Variants in SEC16B observed in about 807,000 individuals in gnomAD.
SEC16B encodes protein transport protein Sec16B.
SEC16B carries 115 observed loss-of-function variants against 141.8 expected under a neutral mutation model. The ratio of observed to expected loss-of-function variants is 0.81; its 90% CI spans 0.70 to 0.95. The LOEUF (loss-of-function observed/expected upper bound fraction) is 0.95, where lower values mean the gene tolerates loss of function less well. Among genes scored for constraint, SEC16B ranks in the 40% least tolerant of loss-of-function variants. The pLI, the probability that SEC16B is intolerant of heterozygous loss-of-function variation, is 0.00. For synonymous variants in SEC16B, 493 were observed against 492.5 expected (o/e 1.00, Z -0.01); for missense variants, 1,291 against 1,312.3 (o/e 0.98, Z 0.25).
intron 18 of SEC16B, among the ~76,000 whole-genome samples, chr1:177,937,912 T>A (rs1017065809): frequency 1.3e-5 from 2 of 152,136 alleles, no homozygotes; most frequent in Non-Finnish European, 2.9e-5. Flanking sequence ...CCAGCATTAA[T>A]GTTAAAACAG....
chr1:177,945,436 A>C (rs538324148), intron 14 of SEC16B: 10 of 152,368 alleles, frequency 6.6e-5, no homozygotes, highest in African/African-American at 2.4e-4. Flanking sequence ...CTTATTGTAC[A>C]TTTGGCACAG....
chr1:177,948,420 C>A (rs1292176672), intron 12 of SEC16B: 3 of 1,304,358 alleles, frequency 2.3e-6, no homozygotes, highest in Admixed American at 2.3e-5. Context: ...CTCTACAAAG[C>A]CCATTCACAC....
At position 177,932,546 on chromosome 1, in the gene SEC16B, C is replaced by G. The variant is rs372353418; in HGVS notation, c.2956G>C (p.Ala986Pro). ...CCCGCAGCTGCTCCCCCGCTGGATG[C>G]GGATCCTCGGCCTTCACCCCCACCT... ...GRGGGEGRGS[A>P]SSGGAAAGAG... Residue 986 changes from alanine (A) to proline (P), a missense_variant, in exon 24 of 26, where the codon GCA becomes CCA. Physicochemically the swap from Ala to Pro is conservative, Grantham distance 27 (BLOSUM62 -1). Transcript: ENST00000308284. 9 of 1,561,448 alleles carry G rather than the reference C, an allele frequency of 5.8e-6. No homozygotes were observed. The highest frequency in any genetic ancestry group is 1.7e-4 in the Middle Eastern group (1 of 5,978).
chr1:177,960,020 C>A (rs377368775), intron 8 of SEC16B: 19 of 339,286 alleles, frequency 5.6e-5, no homozygotes, highest in African/African-American at 4.0e-4. Context: ...ACTTCCCAGG[C>A]GATGCTCCAC....
intron 1 of SEC16B, among the ~76,000 whole-genome samples, chr1:177,981,502 A>G (rs1247182565): frequency 6.6e-6 from 1 of 152,214 alleles, no homozygotes; most frequent in African/African-American, 2.4e-5. Context: ...TCTGTCCACC[A>G]TTTATTCATT....
chr1:177,981,446 G>T (rs1654411068), intron 1 of SEC16B, among the ~76,000 whole-genome samples: 1 of 152,096 alleles, frequency 6.6e-6, no homozygotes, highest in Non-Finnish European at 1.5e-5. Flanking sequence ...TTTCTCACTG[G>T]GTTGACTGAC....
chr1:177,934,917 G>T (rs766613595), intron 20 of SEC16B, among the ~76,000 whole-genome samples: 1 of 152,050 alleles, frequency 6.6e-6, no homozygotes, highest in Non-Finnish European at 1.5e-5. Flanking sequence ...TACCATGGTC[G>T]TGGAGGCCCC....
At chr1:177,970,086 A>C (rs140214833), upstream of SEC16B, 871 of 152,498 alleles carry the variant, frequency 5.7e-3, 7 homozygotes, top group African/African-American at 0.02. Flanking sequence ...TACAGCCCAG[A>C]TACCGCAGCC....
At chr1:177,932,084 T>C (rs1650458770) in intron 24 of SEC16B, among the ~76,000 whole-genome samples, 1 of 152,186 alleles carries the variant, frequency 6.6e-6, no homozygotes, top group Non-Finnish European at 1.5e-5. Flanking sequence ...ATGGGGTCTT[T>C]AAAGAGGCAA....
At chr1:177,961,242 C>G in intron 6 of SEC16B, 1 of 437,296 alleles carries the variant, frequency 2.3e-6, no homozygotes, top group Non-Finnish European at 4.1e-6. Flanking sequence ...CCTCTATACT[C>G]ATGACAAAGT....
At chr1:177,975,302 T>A (rs4652285) in intron 1 of SEC16B, among the ~76,000 whole-genome samples, 20,834 of 152,226 alleles carry the variant, frequency 0.14, 1,784 homozygotes, top group East Asian at 0.42. Context: ...AAGAGCTCGA[T>A]AAAATTTTAT....
At chr1:177,970,141 G>C (rs1453335400), upstream of SEC16B, 2 of 152,278 alleles carry the variant, frequency 1.3e-5, no homozygotes, top group Non-Finnish European at 2.9e-5. Context: ...CCCTGTCAGA[G>C]ACTGGCGCTT....
intron 10 of SEC16B, 48 bp downstream of exon 10, chr1:177,958,084 G>A: frequency 7.7e-7 from 1 of 1,293,198 alleles, no homozygotes; most frequent in Non-Finnish European, 1.0e-6. Context: ...GGTGGAGAGG[G>A]ATGGTGATTG....
At position 177,975,978 on chromosome 1, in the gene SEC16B, TG is replaced by T. The variant is rs937595565; in HGVS notation, c.-58-7940del. Among the ~76,000 whole-genome samples, 3 of 152,180 alleles carry T rather than the reference TG, an allele frequency of 2.0e-5. No individual in the cohort carries two copies. In the East Asian group the frequency reaches 5.8e-4, roughly 29 times the overall value. ...GTGTGCCAAGAAAAGATGGTGCCTG[TG>T]CCAGAGACAATTAGCCTGGCACAGG... On this transcript the variant is annotated intron_variant and NMD_transcript_variant, in intron 1 of 24. Transcript: ENST00000528461.
intron 17 of SEC16B, 97 bp downstream of exon 17, chr1:177,940,513 A>G: frequency 1.2e-6 from 1 of 801,060 alleles, no homozygotes; most frequent in Non-Finnish European, 2.1e-6. Context: ...GGGACCAGGG[A>G]CTTGCTAATG....
At position 177,965,101 on chromosome 1, in the gene SEC16B, T is replaced by C. The variant is rs368754254; in HGVS notation, c.479A>G (p.His160Arg). The change falls in exon 4 of 26, where the codon CAT becomes CGT. Residue 160 changes from histidine to arginine, a missense_variant. By Grantham distance (29) the His-to-Arg change is conservative. Transcript: ENST00000308284. ...TGGACTGTGCTGGTTTTCATAATGA[T>C]GTTCATCAAGGTACTTTTGCTCTCG... ...DYREQKYLDE[H>R]HYENQHSPFG... 59 of 1,613,542 alleles carry C rather than the reference T, an allele frequency of 3.7e-5. No individual in the cohort carries two copies. The highest frequency in any genetic ancestry group is 4.9e-5 in the Non-Finnish European group (58 of 1,179,800).
At chr1:177,931,985 G>GA (rs879927965) in intron 24 of SEC16B, among the ~76,000 whole-genome samples, 3,981 of 142,354 alleles carry the variant, frequency 0.028, 174 homozygotes, top group African/African-American at 0.091. Flanking sequence ...TGTGTTCCCA[G>GA]AAAAAAAAAA....
intron 1 of SEC16B, among the ~76,000 whole-genome samples, chr1:177,977,544 T>C (rs1654219730): frequency 6.6e-6 from 1 of 152,222 alleles, no homozygotes; most frequent in Admixed American, 6.5e-5. Flanking sequence ...TTCAGCTCCA[T>C]ATAGAAACAC....
At chr1:177,932,636 C>A (rs1016906444) in intron 23 of SEC16B, 62 bp downstream of exon 23, 6 of 1,505,502 alleles carry the variant, frequency 4.0e-6, no homozygotes, top group East Asian at 2.4e-5. Context: ...CCAGAAGGCA[C>A]CCCAACCCTT....
Sources: gnomAD v4.1 joint callset for allele counts (sites outside exome capture counted in the v4.1 genomes callset) on GRCh38, gnomAD v4.1.1 for gene constraint, MANE v1.5 for transcripts, NCBI Gene and HGNC (gene_info 2026-07-23, HGNC 2026-07-21) for gene names.